The following TRMT11 variants were observed in gnomAD, a reference collection of about 807,000 sequenced individuals.
TRMT11 encodes the protein tRNA methyltransferase 11, also known as tRNA (guanine(10)-N(2))-methyltransferase TRMT11.
Under a neutral mutation model 62.8 loss-of-function variants are expected in TRMT11, and 53 were observed. The observed-to-expected ratio is 0.84, with a 90% CI of 0.68 to 1.06. The LOEUF is 1.06. Among genes scored for constraint, TRMT11 ranks in the 50% least tolerant of loss-of-function variants. The pLI is 0.00. For synonymous variants in TRMT11, 188 were observed against 190.3 expected, an observed-to-expected ratio of 0.99 and a Z score of 0.10; for missense variants, 556 against 553.4, an observed-to-expected ratio of 1.00 and a Z score of -0.05.
At chr6:126,130,863 A>G (rs184149778) in intron 21 of TRMT11, among the ~76,000 whole-genome samples, 4 of 152,232 alleles carry the variant, frequency 2.6e-5, no homozygotes, top group Non-Finnish European at 2.9e-5. Context: ...TCCGAGGTAA[A>G]TATGAGCCTT....
chr6:126,017,717 GCT>G (rs992124811), intron 11 of TRMT11, among the ~76,000 whole-genome samples: 7 of 152,140 alleles, frequency 4.6e-5, no homozygotes, highest in Non-Finnish European at 1.0e-4. Context: ...CATCCTCTGT[GCT>G]CTCATAATAG....
At chr6:126,026,975 T>G (rs1773275297) in intron 12 of TRMT11, among the ~76,000 whole-genome samples, 1 of 151,096 alleles carries the variant, frequency 6.6e-6, no homozygotes, top group Non-Finnish European at 1.5e-5. Flanking sequence ...GCTAATTTCG[T>G]TTTTGTATTT....
chr6:126,193,089 T>A (rs1054920696), intron 1 of TRMT11, among the ~76,000 whole-genome samples: 17 of 152,192 alleles, frequency 1.1e-4, no homozygotes, highest in Admixed American at 6.5e-5. Flanking sequence ...AGACTTTTTA[T>A]TACTACTTCA....
the TRMT11 span, among the ~76,000 whole-genome samples, chr6:126,224,954 G>A: frequency 6.6e-6 from 1 of 152,172 alleles, no homozygotes; most frequent in African/African-American, 2.4e-5. Context: ...CTGCTGGGAA[G>A]GACCTGGTTG....
intron 1 of TRMT11, among the ~76,000 whole-genome samples, chr6:126,190,937 C>T (rs1015906078): frequency 1.3e-5 from 2 of 152,098 alleles, no homozygotes; most frequent in African/African-American, 2.4e-5. Flanking sequence ...ATACTTATTT[C>T]CTTTCTTTTG....
At chr6:126,134,563 C>T (rs1164891519) in intron 21 of TRMT11, among the ~76,000 whole-genome samples, 1 of 151,824 alleles carries the variant, frequency 6.6e-6, no homozygotes, top group Non-Finnish European at 1.5e-5. Context: ...TACTTCAACA[C>T]CCCGCTTTTG....
At chr6:126,198,145 T>A (rs1036260375) in intron 1 of TRMT11, among the ~76,000 whole-genome samples, 3 of 152,164 alleles carry the variant, frequency 2.0e-5, no homozygotes, top group East Asian at 1.9e-4. Flanking sequence ...CTCTGTCAAT[T>A]ACTGCCATCT....
chr6:126,176,309 T>G (rs1778384056), upstream of TRMT11, among the ~76,000 whole-genome samples: 3 of 152,148 alleles, frequency 2.0e-5, no homozygotes, highest in African/African-American at 7.2e-5. Flanking sequence ...TAGTGCAATT[T>G]AATATAGTCA....
At chr6:126,165,996 T>A (rs1225553893) in intron 21 of TRMT11, among the ~76,000 whole-genome samples, 1 of 152,182 alleles carries the variant, frequency 6.6e-6, no homozygotes, top group Admixed American at 6.5e-5. Context: ...AATTCTTTTT[T>A]CTCTAATCTT....
At chr6:126,201,384 T>C (rs1291975074) in intron 3 of TRMT11, among the ~76,000 whole-genome samples, 2 of 152,262 alleles carry the variant, frequency 1.3e-5, no homozygotes, top group South Asian at 2.1e-4. Context: ...TTGGCAGTTA[T>C]ATGGAACACA....
chr6:126,188,300 T>C (rs1163992065), intron 1 of TRMT11, among the ~76,000 whole-genome samples: 3 of 151,680 alleles, frequency 2.0e-5, no homozygotes, highest in African/African-American at 7.3e-5. Flanking sequence ...AAAAATCAAA[T>C]CCATAAAAAA....
At chr6:126,030,801 A>G (rs532323357) in intron 12 of TRMT11, among the ~76,000 whole-genome samples, 1 of 152,350 alleles carries the variant, frequency 6.6e-6, no homozygotes, top group East Asian at 1.9e-4. Flanking sequence ...TTTCTGCTGA[A>G]TGACTATAGA....
At chr6:126,189,525 A>G (rs1027039623) in intron 1 of TRMT11, among the ~76,000 whole-genome samples, 4 of 152,190 alleles carry the variant, frequency 2.6e-5, no homozygotes, top group Admixed American at 6.5e-5. Context: ...ATAAAATTTT[A>G]TAGAAAATGG....
chr6:126,020,660 A>C (rs915081523), intron 11 of TRMT11, among the ~76,000 whole-genome samples: 1 of 152,246 alleles, frequency 6.6e-6, no homozygotes, highest in African/African-American at 2.4e-5. Flanking sequence ...TACAAACGTA[A>C]TAGAGATGTT....
chr6:126,197,493 C>T (rs1223010777), intron 1 of TRMT11, among the ~76,000 whole-genome samples: 2 of 152,126 alleles, frequency 1.3e-5, no homozygotes, highest in African/African-American at 4.8e-5. Flanking sequence ...TTGATCATTA[C>T]ACATTTTAAA....
At chr6:126,239,555 T>C in the TRMT11 span, among the ~76,000 whole-genome samples, 2 of 152,230 alleles carry the variant, frequency 1.3e-5, no homozygotes, top group African/African-American at 4.8e-5. Context: ...TTCTGGCTTG[T>C]AGAGTTTCTG....
At chr6:126,147,014 T>C (rs1275639667) in intron 21 of TRMT11, among the ~76,000 whole-genome samples, 1 of 48,240 alleles carries the variant, frequency 2.1e-5, no homozygotes, top group Non-Finnish European at 5.4e-5. Flanking sequence ...GATGGTCATA[T>C]TTTCAATTGT....
chr6:126,020,415 A>G (rs1027772761), intron 11 of TRMT11, among the ~76,000 whole-genome samples: 3 of 152,204 alleles, frequency 2.0e-5, no homozygotes, highest in African/African-American at 7.2e-5. Context: ...GATTGATGCT[A>G]ACAACCTGTC....
chr6:125,999,635 G>A, intron 7 of TRMT11, 22 bp downstream of exon 7: 1 of 1,594,470 alleles, frequency 6.3e-7, no homozygotes, highest in Non-Finnish European at 8.6e-7. Context: ...TAACTTTTAA[G>A]CTAGTGTAGA....
Sources: gnomAD v4.1 joint callset for allele counts (sites outside exome capture counted in the v4.1 genomes callset) on GRCh38, gnomAD v4.1.1 for gene constraint, MANE v1.5 for transcripts, NCBI Gene and HGNC (gene_info 2026-07-23, HGNC 2026-07-21) for gene names.